SMG6: variants seen among roughly 807,000 people sequenced by gnomAD.
SMG6 encodes telomerase-binding protein EST1A.
Under a neutral mutation model 142.2 loss-of-function variants are expected in SMG6, and 66 were observed. The observed-to-expected ratio is 0.46, with a 90% CI of 0.38 to 0.57. The LOEUF is 0.57. SMG6 is among the 20% of genes least tolerant of loss of function. SMG6 has a pLI of 0.00. For synonymous variants in SMG6, 779 were observed against 702.4 expected, an observed-to-expected ratio of 1.11 and a Z score of -1.72; for missense variants, 1,793 against 1,832.0, an observed-to-expected ratio of 0.98 and a Z score of 0.39.
intron 13 of SMG6, among the ~76,000 whole-genome samples, chr17:2,112,403 G>C (rs568350418): frequency 3.4e-4 from 52 of 151,624 alleles, no homozygotes; most frequent in Admixed American, 1.4e-3. Context: ...AGCTACTCGG[G>C]AGGCTGAGGC....
intron 10 of SMG6, among the ~76,000 whole-genome samples, chr17:2,234,807 A>C (rs1164267631): frequency 6.6e-6 from 1 of 151,790 alleles, no homozygotes; most frequent in African/African-American, 2.4e-5. Flanking sequence ...CCCAGGTTCA[A>C]GCAATTCTCC....
At chr17:2,176,923 G>A (rs1398801305) in intron 12 of SMG6, among the ~76,000 whole-genome samples, 1 of 152,196 alleles carries the variant, frequency 6.6e-6, no homozygotes, top group African/African-American at 2.4e-5. Context: ...TATTGCCTCA[G>A]AATTCCAAGG....
rs1249407933 is a variant in SMG6, at chr17:2,071,121, GGAGT to G, written c.3682-2194_3682-2191del. 6.6e-6 allele frequency among the ~76,000 whole-genome samples: 1 copy of G among 152,206 alleles called. No individual in the cohort carries two copies. Among genetic ancestry groups the G allele is most frequent in the African/African-American group, 2.4e-5 (1 of 41,446 alleles). Reference sequence around the variant, plus strand: ...GGGAGACGTGGGAGCAGTGGCAGCTGGAGTGACAGGGGCTGGGGGTCCGGCTCTG... The same window carrying G: ...GGGAGACGTGGGAGCAGTGGCAGCTGGACAGGGGCTGGGGGTCCGGCTCTG... On this transcript the variant is annotated intron_variant, in intron 15 of 18. Transcript: ENST00000263073. This position sits in a 1 kb window ranked among gnomAD's most constrained non-coding sequence, Gnocchi z 5.6.
intron 15 of SMG6, among the ~76,000 whole-genome samples, chr17:2,081,242 C>T (rs2151427318): frequency 6.6e-6 from 1 of 152,248 alleles, no homozygotes; most frequent in African/African-American, 2.4e-5. Flanking sequence ...CCTAGAAGGC[C>T]AGGAAGAAAC....
intron 13 of SMG6, among the ~76,000 whole-genome samples, chr17:2,153,915 GGTGAC>G (rs2070913102): frequency 6.9e-6 from 1 of 145,502 alleles, no homozygotes; most frequent in South Asian, 2.2e-4. Flanking sequence ...AGAGTGTGAC[GGTGAC>G]GGGGGAACCT....
intron 13 of SMG6, among the ~76,000 whole-genome samples, chr17:2,105,003 A>G (rs946585881): frequency 6.6e-6 from 1 of 150,660 alleles, no homozygotes; most frequent in Non-Finnish European, 1.5e-5. Context: ...TGCAGCCTCA[A>G]CCTCCCAGGT....
chr17:2,076,558 G>T (rs1567577182), intron 15 of SMG6, among the ~76,000 whole-genome samples: 1 of 152,210 alleles, frequency 6.6e-6, no homozygotes. Context: ...TCCCAGAAGG[G>T]CCTTCACCGG....
At chr17:2,277,236 G>A (rs535815237) in intron 8 of SMG6, among the ~76,000 whole-genome samples, 5 of 145,222 alleles carry the variant, frequency 3.4e-5, no homozygotes, top group South Asian at 4.3e-4. Context: ...GCGCGATCTC[G>A]GCTCACTGCA....
At chr17:2,184,613 C>T (rs1170018460) in intron 12 of SMG6, among the ~76,000 whole-genome samples, 4 of 137,872 alleles carry the variant, frequency 2.9e-5, no homozygotes, top group Non-Finnish European at 6.1e-5. Context: ...GCTGAGGTCG[C>T]GCCATTATAC....
At chr17:2,211,875 T>C (rs988243326) in intron 10 of SMG6, among the ~76,000 whole-genome samples, 4 of 152,060 alleles carry the variant, frequency 2.6e-5, no homozygotes, top group African/African-American at 9.7e-5. Context: ...CATCTCTCGC[T>C]CCAACTCTTC....
chr17:2,099,028 G>C (rs1467072597), intron 13 of SMG6, among the ~76,000 whole-genome samples: 1 of 152,106 alleles, frequency 6.6e-6, no homozygotes, highest in African/African-American at 2.4e-5. Flanking sequence ...AGATTCTTGA[G>C]GGGAGGCACT....
chr17:2,231,707 C>A (rs1199098315), intron 10 of SMG6, among the ~76,000 whole-genome samples: 2 of 144,566 alleles, frequency 1.4e-5, no homozygotes, highest in African/African-American at 5.0e-5. Flanking sequence ...TCCCTCCCCC[C>A]ACCCAAAAAA....
chr17:2,303,491 G>A, intron 1 of SMG6, 142 bp downstream of exon 1: 1 of 1,328,972 alleles, frequency 7.5e-7, no homozygotes, highest in Non-Finnish European at 9.6e-7. Flanking sequence ...GGGCAGCGAG[G>A]GTCCGCCGCG....
intron 10 of SMG6, among the ~76,000 whole-genome samples, chr17:2,193,967 A>C (rs1375390473): frequency 6.6e-6 from 1 of 152,166 alleles, no homozygotes; most frequent in African/African-American, 2.4e-5. Context: ...AGTAGCTGGG[A>C]TTAGAGGCAC....
chr17:2,168,920 C>A (rs1384911160), intron 13 of SMG6, among the ~76,000 whole-genome samples: 1 of 150,894 alleles, frequency 6.6e-6, no homozygotes. Flanking sequence ...GCTACTTTTT[C>A]TATTTTTAGT....
chr17:2,148,383 C>G (rs2070731244), intron 13 of SMG6, among the ~76,000 whole-genome samples: 1 of 152,142 alleles, frequency 6.6e-6, no homozygotes, highest in South Asian at 2.1e-4. Flanking sequence ...TGAATGGACA[C>G]ACAAATTGTG....
intron 13 of SMG6, among the ~76,000 whole-genome samples, chr17:2,149,577 G>A (rs1213735938): frequency 6.6e-6 from 1 of 152,178 alleles, no homozygotes; most frequent in Non-Finnish European, 1.5e-5. Context: ...GGGCTGTCCC[G>A]TGACCCCCAT....
intron 5 of SMG6, 43 bp downstream of exon 5, chr17:2,292,828 A>G (rs1013826872): frequency 6.4e-7 from 1 of 1,559,960 alleles, no homozygotes; most frequent in Non-Finnish European, 8.8e-7. Context: ...CTTAGCTTAG[A>G]GCCACATAGG....
In SMG6 at chr17:2,071,322, A is replaced by C. The variant is rs1450067071; in HGVS notation, c.3682-2391T>G. Among the ~76,000 whole-genome samples the C allele has an allele frequency of 6.6e-6, 1 of 151,730 alleles. No individual in the cohort carries two copies. Among genetic ancestry groups the C allele is most frequent in the South Asian group, 2.1e-4 (1 of 4,814 alleles). On this transcript the variant is annotated intron_variant, in intron 15 of 18. Coordinates refer to ENST00000263073, the MANE Select transcript of SMG6 (RefSeq NM_017575.5). The surrounding 1 kb of genome is among the most constrained non-coding windows in gnomAD (Gnocchi z 5.6). ...TAAGCCCTGGTACCATCCTACCTCT[A>C]TTGCTGGCAATTAGGCAGGAGAGCC...
Sources: allele counts gnomAD v4.1 joint callset (sites outside exome capture counted in the v4.1 genomes callset), GRCh38; gene constraint gnomAD v4.1.1; non-coding constraint Gnocchi (gnomAD v3.1); transcripts MANE v1.5; gene names NCBI Gene and HGNC (gene_info 2026-07-23, HGNC 2026-07-21).